The following PTPRD variants were observed in gnomAD, a reference collection of about 807,000 sequenced individuals.
The protein encoded by PTPRD is protein tyrosine phosphatase receptor type D, also known as receptor-type tyrosine-protein phosphatase delta.
In PTPRD, 34 loss-of-function variants were observed where a neutral mutation model predicts 214.5. The ratio of observed to expected loss-of-function variants is 0.16; its 90% CI spans 0.12 to 0.21. The LOEUF is 0.21. PTPRD is among the 10% of genes least tolerant of loss of function. PTPRD has a pLI of 1.00. For missense variants in PTPRD, 2,545 were observed against 2,398.7 expected (o/e 1.06, Z -1.27); for synonymous variants, 1,128 against 845.7 (o/e 1.33, Z -5.79).
intron 11 of PTPRD, among the ~76,000 whole-genome samples, chr9:8,854,297 T>C (rs2097872775): frequency 6.6e-6 from 1 of 152,094 alleles, no homozygotes; most frequent in Non-Finnish European, 1.5e-5. Context: ...AAATACACAA[T>C]GAAACTAAAG....
At chr9:9,487,327 T>A (rs547726068) in intron 8 of PTPRD, among the ~76,000 whole-genome samples, 1 of 152,082 alleles carries the variant, frequency 6.6e-6, no homozygotes, top group Non-Finnish European at 1.5e-5. Flanking sequence ...TTTTTGTCCT[T>A]GCGATAGTTT....
chr9:8,827,674 G>C lies in PTPRD; in HGVS notation c.-103-93728C>G, dbSNP rs148788874. 1.1e-3 allele frequency among the ~76,000 whole-genome samples: 164 copies of C among 152,136 alleles called. 1 individual carries two copies. The highest frequency in any genetic ancestry group is 3.9e-3 in the African/African-American group (161 of 41,540). On this transcript the variant is annotated intron_variant, in intron 11 of 45. Transcript: ENST00000381196. ...AAATTCCTTTTTTTCCCCTCATAAA[G>C]TAATCAGCTCATCATTTATATTTCA...
intron 5 of PTPRD, among the ~76,000 whole-genome samples, chr9:9,917,853 A>C (rs994899512): frequency 6.6e-6 from 1 of 152,022 alleles, no homozygotes; most frequent in Admixed American, 6.6e-5. Context: ...TTATCAATAC[A>C]TACATTTGAC....
intron 5 of PTPRD, among the ~76,000 whole-genome samples, chr9:9,825,666 C>T (rs535016977): frequency 2.4e-4 from 36 of 151,968 alleles, no homozygotes; most frequent in Middle Eastern, 3.4e-3. Flanking sequence ...CTTAAAGAAA[C>T]GATGGAGTAC....
At chr9:10,560,270 A>T (rs962825835) in intron 2 of PTPRD, among the ~76,000 whole-genome samples, 1 of 152,192 alleles carries the variant, frequency 6.6e-6, no homozygotes, top group Non-Finnish European at 1.5e-5. Context: ...GACATGGATG[A>T]AATTGGAAAT....
intron 35 of PTPRD, 95 bp from the exon 36 acceptor site, chr9:8,404,755 A>G: frequency 7.1e-7 from 1 of 1,407,942 alleles, no homozygotes; most frequent in South Asian, 1.5e-5. Context: ...ATTTAAAAGG[A>G]AAATTCTGAA....
At chr9:9,677,314 A>C (rs944760259) in intron 7 of PTPRD, among the ~76,000 whole-genome samples, 2 of 151,998 alleles carry the variant, frequency 1.3e-5, no homozygotes, top group African/African-American at 2.4e-5. Flanking sequence ...TATAAGGTGT[A>C]AGGAAGGGAT....
intron 5 of PTPRD, among the ~76,000 whole-genome samples, chr9:9,902,480 G>A (rs1443678390): frequency 6.6e-6 from 1 of 152,086 alleles, no homozygotes; most frequent in Non-Finnish European, 1.5e-5. Context: ...TACATCTGAA[G>A]TCATGTATGT....
At chr9:8,706,499 G>T (rs1346753006) in intron 12 of PTPRD, among the ~76,000 whole-genome samples, 2 of 152,086 alleles carry the variant, frequency 1.3e-5, no homozygotes, top group South Asian at 4.1e-4. Context: ...AGTCTGCATG[G>T]TCTCTCTTTT....
chr9:10,419,569 T>A (rs1057130042), intron 2 of PTPRD, among the ~76,000 whole-genome samples: 3 of 151,838 alleles, frequency 2.0e-5, no homozygotes, highest in African/African-American at 7.2e-5. Flanking sequence ...AGAATATACA[T>A]GATATACTTT....
At chr9:10,189,434 A>G (rs900759392) in intron 3 of PTPRD, among the ~76,000 whole-genome samples, 2 of 152,178 alleles carry the variant, frequency 1.3e-5, no homozygotes, top group African/African-American at 4.8e-5. Context: ...TGATAACACC[A>G]CTAAAGGCCC....
chr9:9,283,120 T>C (rs935715421), intron 9 of PTPRD, among the ~76,000 whole-genome samples: 2 of 150,298 alleles, frequency 1.3e-5, no homozygotes, highest in Non-Finnish European at 3.0e-5. Context: ...CTGTTCCTTC[T>C]TTGCTTCATT....
At chr9:8,353,760 C>G (rs1258505878) in intron 39 of PTPRD, among the ~76,000 whole-genome samples, 1 of 151,248 alleles carries the variant, frequency 6.6e-6, no homozygotes, top group Non-Finnish European at 1.5e-5. Context: ...TCTTCTAACC[C>G]TTTTGCCTAC....
At chr9:10,072,190 G>T (rs1287882705) in intron 3 of PTPRD, among the ~76,000 whole-genome samples, 2 of 151,944 alleles carry the variant, frequency 1.3e-5, no homozygotes, top group African/African-American at 2.4e-5. Flanking sequence ...ATAAGCAAAA[G>T]ATATAGGTGG....
chr9:10,449,382 C>A (rs2098822243), intron 2 of PTPRD, among the ~76,000 whole-genome samples: 1 of 151,910 alleles, frequency 6.6e-6, no homozygotes. Flanking sequence ...GTGATCTCCG[C>A]TCGCTACAAC....
chr9:10,590,722 T>G (rs2075229298), intron 2 of PTPRD, among the ~76,000 whole-genome samples: 1 of 151,904 alleles, frequency 6.6e-6, no homozygotes, highest in Non-Finnish European at 1.5e-5. Context: ...ATCAAATTCA[T>G]TTTTGAAGCA....
chr9:9,868,278 C>T (rs1254239755), intron 5 of PTPRD, among the ~76,000 whole-genome samples: 1 of 152,040 alleles, frequency 6.6e-6, no homozygotes, highest in Non-Finnish European at 1.5e-5. Flanking sequence ...CAGAAAAGAA[C>T]TTGAAGTTAT....
In PTPRD at chr9:9,291,906, A is replaced by ATC. The variant is rs1176399773; in HGVS notation, c.-203+105541_-203+105542dup. ...GTGTATGGTATATATATATATATATATCTCAAATGAATGTCATGTATTATA... is the reference window on the plus strand; with the variant it reads ...GTGTATGGTATATATATATATATATATCTCTCAAATGAATGTCATGTATTATA... On this transcript the variant is annotated intron_variant, in intron 9 of 45. Coordinates refer to ENST00000381196, the MANE Select transcript of PTPRD (RefSeq NM_002839.4). Among the ~76,000 whole-genome samples the ATC allele has an allele frequency of 6.5e-4, 98 of 150,552 alleles. 1 individual carries two copies. Among genetic ancestry groups the ATC allele is most frequent in the African/African-American group, 2.0e-3 (82 of 41,316 alleles).
chr9:8,567,045 C>T (rs958965555), intron 14 of PTPRD, among the ~76,000 whole-genome samples: 7 of 152,172 alleles, frequency 4.6e-5, no homozygotes, highest in African/African-American at 7.2e-5. Flanking sequence ...CCTTCTCCAA[C>T]GAATCTCTCC....
Sources: gnomAD v4.1 joint callset for allele counts (sites outside exome capture counted in the v4.1 genomes callset) on GRCh38, gnomAD v4.1.1 for gene constraint, MANE v1.5 for transcripts, NCBI Gene and HGNC (gene_info 2026-07-23, HGNC 2026-07-21) for gene names.